The following IGSF9B variants were observed in gnomAD, a reference collection of about 807,000 sequenced individuals.
IGSF9B encodes immunoglobulin superfamily member 9B.
Under a neutral mutation model 143.7 loss-of-function variants are expected in IGSF9B, and 48 were observed. The observed-to-expected ratio is 0.33, with a 90% CI of 0.26 to 0.42. The LOEUF is 0.42. IGSF9B is among the 20% of genes least tolerant of loss of function. The pLI is 1.00. For synonymous variants in IGSF9B, 903 were observed against 833.1 expected (o/e 1.08, Z -1.44); for missense variants, 1,706 against 1,980.0 (o/e 0.86, Z 2.63).
At chr11:133,951,744 G>A (rs956425911) in intron 1 of IGSF9B, among the ~76,000 whole-genome samples, 5 of 152,148 alleles carry the variant, frequency 3.3e-5, no homozygotes, top group Admixed American at 6.5e-5. Flanking sequence ...CCAGGTGCAC[G>A]CGCCCCTGCA....
chr11:133,902,894 T>C lies in IGSF9B; in HGVS notation c.*6175A>G, dbSNP rs893414234. Among the ~76,000 whole-genome samples the C allele has an allele frequency of 2.0e-5, 3 of 152,130 alleles. No individual in the cohort carries two copies. The highest frequency in any genetic ancestry group is 7.2e-5 in the African/African-American group (3 of 41,436). On this transcript the variant is annotated 3_prime_UTR_variant, in exon 20 of 20. Coordinates refer to ENST00000533871, the MANE Select transcript of IGSF9B (RefSeq NM_001277285.4). Reference sequence around the variant, plus strand: ...CCAAAAGGAGGCCAAAGCCCTGGGTTCTACCACCAGCGTGAGGAGGGCTGG... The same window carrying C: ...CCAAAAGGAGGCCAAAGCCCTGGGTCCTACCACCAGCGTGAGGAGGGCTGG...
At chr11:133,951,203 C>T (rs776453288) in intron 1 of IGSF9B, among the ~76,000 whole-genome samples, 41 of 152,186 alleles carry the variant, frequency 2.7e-4, no homozygotes, top group Admixed American at 1.2e-3. Flanking sequence ...TCCAAAACGC[C>T]GACGGTGTCC....
rs1449158445 is a variant in IGSF9B, at chr11:133,908,255, C to G, written c.*814G>C. Reference sequence around the variant, plus strand: ...AGGAAGAAAGATGCAGGTCTAGGAGCCTGGCCACCCCTTCTTCACCCAGGA... The same window carrying G: ...AGGAAGAAAGATGCAGGTCTAGGAGGCTGGCCACCCCTTCTTCACCCAGGA... On this transcript the variant is annotated 3_prime_UTR_variant, in exon 20 of 20. Coordinates refer to ENST00000533871, the MANE Select transcript of IGSF9B (RefSeq NM_001277285.4). 6.6e-6 allele frequency among the ~76,000 whole-genome samples: 1 copy of G among 152,170 alleles called. No homozygotes were observed. The highest frequency in any genetic ancestry group is 2.4e-5 in the African/African-American group (1 of 41,448).
rs1025281689 is a variant in IGSF9B at position 133,909,224 on chromosome 11, C to T, written c.4159G>A (p.Asp1387Asn). The T allele has an allele frequency of 5.9e-6, 9 of 1,535,828 alleles. No homozygotes were observed. The East Asian group carries it at 7.3e-5, about 13-fold the overall frequency. ...QLPNSQVLWP[D>N]EAVCLRKKKR... ...TTCTTTCGGAGGCAGACAGCTTCAT[C>T]GGGCCACAGAACCTGAGAGTTGGGA... is the stretch of plus-strand genomic sequence containing the variant. The change falls in exon 20 of 20, where the codon GAT becomes AAT. Residue 1387 changes from aspartate to asparagine, a missense_variant. Transcript: ENST00000533871. The surrounding 1 kb of genome is among the most constrained non-coding windows in gnomAD (Gnocchi z 4.2).
chr11:133,911,079 G>A (rs1002299918), intron 19 of IGSF9B, among the ~76,000 whole-genome samples: 1 of 152,154 alleles, frequency 6.6e-6, no homozygotes, highest in Non-Finnish European at 1.5e-5. Flanking sequence ...TGTCTATAAA[G>A]AGAGTTACTC....
chr11:133,927,335 A>T (rs1275589067), intron 12 of IGSF9B, among the ~76,000 whole-genome samples: 2 of 152,232 alleles, frequency 1.3e-5, no homozygotes, highest in Non-Finnish European at 2.9e-5. Flanking sequence ...CTTTAGGTGC[A>T]AGTCGTGCTC....
chr11:133,920,080 G>A lies in IGSF9B; in HGVS notation c.3645C>T (p.Ser1215=). ...TQSPLSSRTG[S]PELAARARPR... ...GCCGGGCACGGGCGGCGAGCTCAGG[G>A]GAGCCGGTGCGGGAGCTGAGGGGGC... Residue 1215 remains serine, a synonymous_variant, in exon 18 of 20, where the codon TCC becomes TCT. Coordinates refer to ENST00000533871, the MANE Select transcript of IGSF9B (RefSeq NM_001277285.4). The A allele has an allele frequency of 6.5e-7, 1 of 1,532,352 alleles. No homozygotes were observed. The highest frequency in any genetic ancestry group is 1.4e-5 in the African/African-American group (1 of 72,088). 94.9% of individuals were successfully genotyped at this position (1,532,352 alleles called of 1,614,324 possible).
chr11:133,931,811 G>C lies in IGSF9B; in HGVS notation c.1111-16C>G. On this transcript the variant is annotated splice_polypyrimidine_tract_variant and intron_variant, in intron 8 of 19. Coordinates refer to ENST00000533871, the MANE Select transcript of IGSF9B (RefSeq NM_001277285.4). The surrounding 1 kb of genome is among the most constrained non-coding windows in gnomAD (Gnocchi z 7.7). ...AACCGAGGTTCTGCCAGACACAGAC[G>C]ATAGGGCAGGGAACGCTGGTCAGAG... The C allele has an allele frequency of 6.2e-7, 1 of 1,610,064 alleles. No individual in the cohort carries two copies. Among genetic ancestry groups the C allele is most frequent in the Non-Finnish European group, 8.5e-7 (1 of 1,178,872 alleles).
Position 133,931,603 on chromosome 11 carries a change from C to G in IGSF9B, c.1252-34G>C, listed in dbSNP as rs1021328365. The G allele has an allele frequency of 6.2e-7, 1 of 1,609,496 alleles. No individual in the cohort carries two copies. Among genetic ancestry groups the G allele is most frequent in the Non-Finnish European group, 8.5e-7 (1 of 1,177,054 alleles). On this transcript the variant is annotated intron_variant, in intron 9 of 19. Coordinates refer to ENST00000533871, the MANE Select transcript of IGSF9B (RefSeq NM_001277285.4). The surrounding 1 kb of genome is among the most constrained non-coding windows in gnomAD (Gnocchi z 7.7). The stretch of plus-strand genomic sequence containing the variant: ...GAAAGCACAGGCACCCTCGTGAGGC[C>G]GGGGATCCAGGTGCCCAGCTCATGG...
At chr11:133,914,114 A>C (rs1215744153) in intron 18 of IGSF9B, among the ~76,000 whole-genome samples, 1 of 152,188 alleles carries the variant, frequency 6.6e-6, no homozygotes, top group Non-Finnish European at 1.5e-5. Flanking sequence ...TGTCATTTTT[A>C]TCATCTAGCA....
rs1432031307 is a variant in IGSF9B, at chr11:133,897,640, C to G, written c.*11429G>C. ...GAGTGTAGAATATGTTCATATAAGG[C>G]TTTGGTACAGCACCGATTTCATGTT... On this transcript the variant is annotated 3_prime_UTR_variant, in exon 20 of 20. Transcript: ENST00000533871. 6.6e-6 allele frequency: 1 copy of G among 152,146 alleles called. No individual in the cohort carries two copies. Among genetic ancestry groups the G allele is most frequent in the Non-Finnish European group, 1.5e-5 (1 of 68,030 alleles). The allele number at this position is 152,146 out of a possible 1,614,324, so 9.4% of individuals were successfully genotyped here.
rs917353026 is a variant in IGSF9B, at chr11:133,925,649, A to C, written c.2034+90T>G. ...AGGATGTGGCTGGCCTCACACACCC[A>C]AAGTTGGTCACTCAAAGCTTCCAGT... On this transcript the variant is annotated intron_variant, in intron 14 of 19. Transcript: ENST00000533871. 21 of 1,045,130 alleles carry C rather than the reference A, an allele frequency of 2.0e-5. No individual in the cohort carries two copies. The African/African-American group carries it at 2.8e-4, about 14-fold the overall frequency. 64.7% of individuals were successfully genotyped at this position (1,045,130 alleles called of 1,614,324 possible).
chr11:133,947,072 G>A (rs183723892), intron 1 of IGSF9B, among the ~76,000 whole-genome samples: 3 of 152,290 alleles, frequency 2.0e-5, no homozygotes, highest in East Asian at 1.9e-4. Context: ...GAAATCAGAC[G>A]GTGGGATAGG....
In IGSF9B at chr11:133,908,182, C is replaced by T. The variant is rs879827961; in HGVS notation, c.*887G>A. 1.6e-4 allele frequency among the ~76,000 whole-genome samples: 25 copies of T among 152,198 alleles called. No individual in the cohort carries two copies. The highest frequency in any genetic ancestry group is 1.6e-3 in the Admixed American group (24 of 15,286). Reference sequence around the variant, plus strand: ...CATGTGCACCAGAGGCTTGCTTTAGCCCCGCGGCTGAGTTAGCCTCTACTC... The same window carrying T: ...CATGTGCACCAGAGGCTTGCTTTAGTCCCGCGGCTGAGTTAGCCTCTACTC... On this transcript the variant is annotated 3_prime_UTR_variant, in exon 20 of 20. Coordinates refer to ENST00000533871, the MANE Select transcript of IGSF9B (RefSeq NM_001277285.4).
chr11:133,929,985 C>A (rs1939694282), intron 11 of IGSF9B, among the ~76,000 whole-genome samples: 1 of 152,174 alleles, frequency 6.6e-6, no homozygotes, highest in South Asian at 2.1e-4. Flanking sequence ...GAGCAGGAAG[C>A]CTGTCCCACT....
intron 19 of IGSF9B, among the ~76,000 whole-genome samples, chr11:133,911,235 T>C (rs1939296903): frequency 6.6e-6 from 1 of 152,208 alleles, no homozygotes; most frequent in Admixed American, 6.5e-5. Flanking sequence ...TAAATTCGTT[T>C]TGCACTCAGA....
rs1464678670 is a variant in IGSF9B at position 133,920,577 on chromosome 11, G to GC, written c.3147dup (p.Leu1050AlafsTer16). ...GGGAACATCATCGCTGGGGTCTCCA[G>GC]CCCCCCGAAGGGGAATTCTGGCCGG... On this transcript the variant is annotated frameshift_variant, in exon 18 of 20. Coordinates refer to ENST00000533871, the MANE Select transcript of IGSF9B (RefSeq NM_001277285.4). LOFTEE classifies it high-confidence loss of function. 6.2e-7 allele frequency: 1 copy of GC among 1,613,320 alleles called. No homozygotes were observed.
intron 5 of IGSF9B, among the ~76,000 whole-genome samples, chr11:133,936,414 C>A (rs559162545): frequency 6.6e-6 from 1 of 151,960 alleles, no homozygotes; most frequent in Non-Finnish European, 1.5e-5. Context: ...ACGCACACCC[C>A]CTTCCTGCCT....
chr11:133,926,160 G>A (rs1440969625), intron 13 of IGSF9B, among the ~76,000 whole-genome samples, 195 bp from the exon 14 acceptor site: 1 of 152,232 alleles, frequency 6.6e-6, no homozygotes, highest in Non-Finnish European at 1.5e-5. Context: ...AAAGGGAAGA[G>A]AAATGGGAAC....
Sources: allele counts gnomAD v4.1 joint callset (sites outside exome capture counted in the v4.1 genomes callset), GRCh38; gene constraint gnomAD v4.1.1; non-coding constraint Gnocchi (gnomAD v3.1); transcripts MANE v1.5; gene names NCBI Gene and HGNC (gene_info 2026-07-23, HGNC 2026-07-21).